Variants in DHRSX observed in about 807,000 individuals in gnomAD.
DHRSX encodes polyprenol dehydrogenase.
DHRSX carries 31 observed loss-of-function variants against 34.0 expected under a neutral mutation model. That is an observed-to-expected ratio of 0.91 (90% CI 0.69 to 1.23). The LOEUF (loss-of-function observed/expected upper bound fraction) is 1.23. Ranked by LOEUF, DHRSX falls within the 50% of genes most tolerant of loss-of-function variation. The pLI, the probability that DHRSX is intolerant of heterozygous loss-of-function variation, is 0.00. For missense variants in DHRSX, 414 were observed against 428.1 expected (o/e 0.97, Z 0.29); for synonymous variants, 201 against 183.8 (o/e 1.09, Z -0.76).
intron 3 of DHRSX, among the ~76,000 whole-genome samples, chrX:2,318,488 G>A (rs2042267591): frequency 6.6e-6 from 1 of 152,174 alleles, no homozygotes; most frequent in Admixed American, 6.6e-5. Flanking sequence ...CAAACCCCAT[G>A]CAAACCAAGA....
intron 3 of DHRSX, among the ~76,000 whole-genome samples, chrX:2,360,880 A>G (rs1055654392): frequency 3.9e-5 from 6 of 152,106 alleles, no homozygotes; most frequent in African/African-American, 1.4e-4. Flanking sequence ...TTGAATGACT[A>G]AACACCAAAT....
chrX:2,488,922 G>T lies in DHRSX; in HGVS notation c.109+11895C>A, dbSNP rs764105380. The T allele has an allele frequency of 8.1e-6, 13 of 1,602,170 alleles. No homozygotes were observed. The South Asian group carries it at 1.3e-4, about 17-fold the overall frequency. On this transcript the variant is annotated intron_variant, in intron 1 of 6. Coordinates refer to ENST00000334651, the MANE Select transcript of DHRSX (RefSeq NM_145177.3). ...TACTTCTGCAGCACCTTGGGCAGCA[G>T]GGGGAAGAGGGCCAGGCGGTCTGAC...
chrX:2,481,631 A>G (rs2044772836), intron 1 of DHRSX, among the ~76,000 whole-genome samples: 4 of 151,694 alleles, frequency 2.6e-5, no homozygotes, highest in Admixed American at 2.6e-4. Flanking sequence ...GTGCCATTGC[A>G]CTCCAGCCTG....
intron 1 of DHRSX, among the ~76,000 whole-genome samples, chrX:2,452,835 TG>T (rs1418647148): frequency 6.6e-6 from 1 of 152,210 alleles, no homozygotes; most frequent in East Asian, 1.9e-4. Flanking sequence ...GGTCCAGTCA[TG>T]GGCCTGCGAA....
chrX:2,252,066 C>G (rs182532298), intron 5 of DHRSX, among the ~76,000 whole-genome samples: 3 of 151,890 alleles, frequency 2.0e-5, no homozygotes, highest in East Asian at 1.9e-4. Flanking sequence ...GGTGAAACCC[C>G]GTCTCTACTA....
At chrX:2,336,758 C>A (rs1480457030) in intron 3 of DHRSX, among the ~76,000 whole-genome samples, 2 of 152,024 alleles carry the variant, frequency 1.3e-5, no homozygotes, top group African/African-American at 4.8e-5. Flanking sequence ...CTTCTGGTCT[C>A]CAGGACTGGA....
intron 4 of DHRSX, among the ~76,000 whole-genome samples, chrX:2,291,062 G>A (rs2041859403): frequency 1.3e-5 from 2 of 152,144 alleles, no homozygotes; most frequent in Non-Finnish European, 2.9e-5. Context: ...GATTGAAGGT[G>A]GGGAAGGGGA....
At chrX:2,421,217 A>G (rs765386929) in intron 2 of DHRSX, among the ~76,000 whole-genome samples, 9 of 152,170 alleles carry the variant, frequency 5.9e-5, no homozygotes, top group Admixed American at 3.9e-4. Flanking sequence ...CATCTCTACT[A>G]AAACTACAAA....
At chrX:2,283,888 G>C (rs1197213028) in intron 4 of DHRSX, among the ~76,000 whole-genome samples, 2 of 148,990 alleles carry the variant, frequency 1.3e-5, no homozygotes, top group African/African-American at 5.0e-5. Flanking sequence ...TCATTCCTTT[G>C]AATTCGTTCA....
At chrX:2,425,917 C>T (rs1267807496) in intron 1 of DHRSX, among the ~76,000 whole-genome samples, 1 of 152,066 alleles carries the variant, frequency 6.6e-6, no homozygotes, top group Non-Finnish European at 1.5e-5. Flanking sequence ...TTACAGTTGG[C>T]TAGTGTGAAT....
intron 3 of DHRSX, among the ~76,000 whole-genome samples, chrX:2,335,414 A>G (rs2042545331): frequency 6.6e-6 from 1 of 151,416 alleles, no homozygotes; most frequent in East Asian, 1.9e-4. Flanking sequence ...TCATAGGTGG[A>G]TAAGAGACAA....
chrX:2,234,495 G>A (rs1360315862), intron 6 of DHRSX, among the ~76,000 whole-genome samples: 8 of 152,202 alleles, frequency 5.3e-5, no homozygotes, highest in Non-Finnish European at 7.3e-5. Context: ...CCTGATCCAC[G>A]CACACAGCTG....
intron 3 of DHRSX, among the ~76,000 whole-genome samples, chrX:2,293,045 A>G (rs2041885366): frequency 6.6e-6 from 1 of 152,090 alleles, no homozygotes; most frequent in South Asian, 2.1e-4. Context: ...CAGCCTCCCA[A>G]AGTGTTGGAT....
Position 2,428,106 on chromosome X carries a change from T to A in DHRSX, c.110-2802A>T, listed in dbSNP as rs144745608. On this transcript the variant is annotated intron_variant, in intron 1 of 6. Coordinates refer to ENST00000334651, the MANE Select transcript of DHRSX (RefSeq NM_145177.3). ...AAAATAGACATCGAGGACTCAGAAGTCTCACAGGGTGGGATGGGATGAGGG... is the reference window on the plus strand; with the variant it reads ...AAAATAGACATCGAGGACTCAGAAGACTCACAGGGTGGGATGGGATGAGGG... Among the ~76,000 whole-genome samples, 868 of 152,200 alleles carry A rather than the reference T, an allele frequency of 5.7e-3. 6 individuals carry two copies. The highest frequency in any genetic ancestry group is 0.031 in the South Asian group (150 of 4,826).
chrX:2,272,826 C>G (rs1009949969), intron 4 of DHRSX, among the ~76,000 whole-genome samples: 1 of 152,216 alleles, frequency 6.6e-6, no homozygotes, highest in African/African-American at 2.4e-5. Flanking sequence ...GAACTGCCTA[C>G]ATTCCTGTGC....
chrX:2,387,859 G>A (rs1189419708), intron 3 of DHRSX, among the ~76,000 whole-genome samples: 4 of 83,182 alleles, frequency 4.8e-5, no homozygotes, highest in Admixed American at 1.3e-4. Context: ...CACAGCAGGC[G>A]GAAAAAAAAA....
intron 3 of DHRSX, among the ~76,000 whole-genome samples, chrX:2,333,844 T>C (rs1261353742): frequency 6.6e-6 from 1 of 152,172 alleles, no homozygotes; most frequent in Non-Finnish European, 1.5e-5. Context: ...GAACATGCGA[T>C]ATTTGCTTTT....
At chrX:2,496,696 G>C (rs1313035284) in intron 1 of DHRSX, among the ~76,000 whole-genome samples, 1 of 151,936 alleles carries the variant, frequency 6.6e-6, no homozygotes, top group Non-Finnish European at 1.5e-5. Flanking sequence ...AAAATAGCGG[G>C]TGATAGATAT....
chrX:2,418,851 C>T (rs1342151994), intron 2 of DHRSX, among the ~76,000 whole-genome samples: 1 of 152,200 alleles, frequency 6.6e-6, no homozygotes, highest in Non-Finnish European at 1.5e-5. Context: ...AGATATCCAC[C>T]TAGCATGGAT....
Sources: gnomAD v4.1 joint callset for allele counts (sites outside exome capture counted in the v4.1 genomes callset) on GRCh38, gnomAD v4.1.1 for gene constraint, MANE v1.5 for transcripts, NCBI Gene and HGNC (gene_info 2026-07-23, HGNC 2026-07-21) for gene names.